Variants in PACS2 observed in about 807,000 individuals in gnomAD.
The protein encoded by PACS2 is PACS1-like protein.
Under a neutral mutation model 113.0 loss-of-function variants are expected in PACS2, and 36 were observed. The ratio of observed to expected loss-of-function variants is 0.32; its 90% CI spans 0.24 to 0.42. The LOEUF (loss-of-function observed/expected upper bound fraction) is 0.42. PACS2 is among the 10% of genes least tolerant of loss of function. The pLI is 1.00. For missense variants in PACS2, 1,015 were observed against 1,239.5 expected (o/e 0.82, Z 2.72); for synonymous variants, 589 against 536.1 (o/e 1.10, Z -1.36).
At chr14:105,370,028 G>C (rs1555409009) in intron 8 of PACS2, 128 bp downstream of exon 8, 1 of 797,708 alleles carries the variant, frequency 1.3e-6, no homozygotes, top group East Asian at 2.7e-5. Context: ...GGCCCCGCCA[G>C]CATCGCACAG....
At chr14:105,332,620 T>C (rs1287950989) in intron 1 of PACS2, among the ~76,000 whole-genome samples, 1 of 152,176 alleles carries the variant, frequency 6.6e-6, no homozygotes, top group Non-Finnish European at 1.5e-5. Context: ...GACCCACTTC[T>C]TCCCAAGTGG....
intron 4 of PACS2, 121 bp from the exon 5 acceptor site, chr14:105,367,092 C>T (rs894319478): frequency 6.9e-6 from 6 of 875,454 alleles, no homozygotes; most frequent in East Asian, 5.3e-5. Flanking sequence ...GGCTGCCCTG[C>T]TGAGGGTCCC....
intron 11 of PACS2, 88 bp from the exon 12 acceptor site, chr14:105,380,869 T>A: frequency 7.5e-7 from 1 of 1,341,614 alleles, no homozygotes; most frequent in Non-Finnish European, 1.0e-6. Context: ...GCCTAAACCC[T>A]CACCCGAGCC....
chr14:105,369,081 C>T (rs904302572), intron 7 of PACS2, among the ~76,000 whole-genome samples: 2 of 152,250 alleles, frequency 1.3e-5, no homozygotes, highest in African/African-American at 2.4e-5. Flanking sequence ...GGGAGGCCAG[C>T]GCAGGTGGGC....
At chr14:105,382,395 G>A in intron 13 of PACS2, 82 bp from the exon 14 acceptor site, 7 of 834,554 alleles carry the variant, frequency 8.4e-6, no homozygotes, top group Admixed American at 5.3e-5. Context: ...GGGAGCAGGG[G>A]CACTGCAGGC....
At position 105,362,128 on chromosome 14, in the gene PACS2, A is replaced by C. The variant is rs187160032; in HGVS notation, c.424-5085A>C. Among the ~76,000 whole-genome samples, 3 of 151,406 alleles carry C rather than the reference A, an allele frequency of 2.0e-5. No individual in the cohort carries two copies. In the East Asian group the frequency reaches 5.9e-4, roughly 30 times the overall value. On this transcript the variant is annotated intron_variant, in intron 4 of 24. Coordinates refer to ENST00000447393, the MANE Select transcript of PACS2 (RefSeq NM_001100913.3). ...CAAGAGTTAGAATCTGTCTCAAAAAAAAAGAATGGGCCAGGTGTGGTGGCT... is the reference window on the plus strand; with the variant it reads ...CAAGAGTTAGAATCTGTCTCAAAAACAAAGAATGGGCCAGGTGTGGTGGCT...
intron 12 of PACS2, 24 bp downstream of exon 12, chr14:105,381,123 C>G (rs782325324): frequency 9.5e-6 from 15 of 1,582,092 alleles, no homozygotes; most frequent in Admixed American, 1.7e-5. Flanking sequence ...CACGGCGGGG[C>G]GGGGCGGTGA....
intron 1 of PACS2, among the ~76,000 whole-genome samples, chr14:105,335,429 C>T (rs968210264): frequency 2.0e-5 from 3 of 151,940 alleles, no homozygotes; most frequent in African/African-American, 2.4e-5. Flanking sequence ...ACGCTGTGGC[C>T]GGCGCCTGGC....
intron 4 of PACS2, among the ~76,000 whole-genome samples, chr14:105,360,671 C>CT (rs1354669426): frequency 1.3e-5 from 2 of 151,930 alleles, no homozygotes; most frequent in African/African-American, 4.8e-5. Flanking sequence ...TTGCTGAAGG[C>CT]TAGGGTGCCT....
intron 1 of PACS2, among the ~76,000 whole-genome samples, chr14:105,327,073 A>G (rs2059139728): frequency 1.3e-5 from 2 of 152,236 alleles, no homozygotes; most frequent in Admixed American, 1.3e-4. Context: ...GCTTATGTTT[A>G]TAAATACAGC....
chr14:105,345,350 T>C lies in PACS2; in HGVS notation c.120-3143T>C, dbSNP rs61608841. ...TGAACCCAGGAGGCGGAGCTTGCAG[T>C]GAGCTGAGATCACGCCACCGCACTC... is the stretch of plus-strand genomic sequence containing the variant. On this transcript the variant is annotated intron_variant, in intron 1 of 24. Coordinates refer to ENST00000447393, the MANE Select transcript of PACS2 (RefSeq NM_001100913.3). 2.0e-4 allele frequency among the ~76,000 whole-genome samples: 30 copies of C among 151,468 alleles called. 1 individual carries two copies. In the East Asian group the frequency reaches 5.8e-3, roughly 29 times the overall value.
chr14:105,334,922 T>A (rs1183166286), intron 1 of PACS2, among the ~76,000 whole-genome samples: 1 of 152,204 alleles, frequency 6.6e-6, no homozygotes, highest in African/African-American at 2.4e-5. Flanking sequence ...GGGGCTCCCC[T>A]CCATGGGGTG....
intron 1 of PACS2, among the ~76,000 whole-genome samples, chr14:105,343,982 T>TTGGGAGGCTGAGGTGGGCAGA (rs2059828160): frequency 6.8e-6 from 1 of 146,944 alleles, no homozygotes; most frequent in Admixed American, 6.8e-5. Context: ...TCCCAGCACT[T>TTGGGAGGCTGAGGTGGGCAGA]TGGGAGGCTG....
intron 1 of PACS2, among the ~76,000 whole-genome samples, chr14:105,328,072 G>C (rs1386799425): frequency 1.3e-5 from 2 of 152,256 alleles, no homozygotes; most frequent in East Asian, 3.8e-4. Context: ...AGTGGACCAG[G>C]CCCTGCAGTG....
chr14:105,375,481 CAAAAA>C (rs34549878), intron 8 of PACS2, among the ~76,000 whole-genome samples: 5 of 51,410 alleles, frequency 9.7e-5, no homozygotes, highest in Admixed American at 1.9e-4. Flanking sequence ...GACTCCATCT[CAAAAA>C]AAAAAAAAAA....
chr14:105,364,523 G>A lies in PACS2; in HGVS notation c.424-2690G>A, dbSNP rs587674689. ...GCGCGGTGGGCGGTGGCCTGGGTGC[G>A]CGGTGGGCGGCACCATCCAGGCTTG... On this transcript the variant is annotated intron_variant, in intron 4 of 24. Transcript: ENST00000447393. Among the ~76,000 whole-genome samples the A allele has an allele frequency of 2.1e-4, 31 of 150,266 alleles. No homozygotes were observed. In the South Asian group the frequency reaches 3.1e-3, roughly 15 times the overall value.
chr14:105,335,463 G>A (rs933894760), intron 1 of PACS2, among the ~76,000 whole-genome samples: 5 of 152,098 alleles, frequency 3.3e-5, no homozygotes, highest in East Asian at 3.9e-4. Flanking sequence ...TGTGGCCGGC[G>A]CCTGGCATGG....
At chr14:105,308,907 T>C (rs73357391) in intron 1 of PACS2, among the ~76,000 whole-genome samples, 11,432 of 151,870 alleles carry the variant, frequency 0.075, 1,463 homozygotes, top group African/African-American at 0.26. Context: ...CCAGGAGATC[T>C]GGCCTACAGT....
Position 105,315,062 on chromosome 14 carries a change from T to C in PACS2, c.119+25T>C. 1 of 1,138,484 alleles carries C rather than the reference T, an allele frequency of 8.8e-7. No homozygotes were observed. The highest frequency in any genetic ancestry group is 1.1e-6 in the Non-Finnish European group (1 of 920,620). 70.5% of individuals were successfully genotyped at this position (1,138,484 alleles called of 1,614,324 possible). A position where few individuals can be genotyped will look rare whatever the true frequency, so the allele number is the denominator to read the frequency against. On this transcript the variant is annotated intron_variant, in intron 1 of 24. Coordinates refer to ENST00000447393, the MANE Select transcript of PACS2 (RefSeq NM_001100913.3). This position sits in a 1 kb window ranked among gnomAD's most constrained non-coding sequence, Gnocchi z 4.4. ...GGTACGCGCCGCCCGCCGCGCTTTG[T>C]TCCCGCCGGGCACCTGCTGGGGGTG... is the stretch of plus-strand genomic sequence containing the variant.
Sources: allele counts gnomAD v4.1 joint callset (sites outside exome capture counted in the v4.1 genomes callset), GRCh38; gene constraint gnomAD v4.1.1; non-coding constraint Gnocchi (gnomAD v3.1); transcripts MANE v1.5; gene names NCBI Gene and HGNC (gene_info 2026-07-23, HGNC 2026-07-21).